The following KLHL1 variants were observed in gnomAD, a reference collection of about 807,000 sequenced individuals.
KLHL1 encodes the protein kelch like family member 1.
A neutral mutation model predicts 77.7 loss-of-function variants in KLHL1; 47 were observed. The ratio of observed to expected loss-of-function variants is 0.60; its 90% confidence interval spans 0.48 to 0.77. The LOEUF (loss-of-function observed/expected upper bound fraction) is 0.77, where lower values mean the gene tolerates loss of function less well. KLHL1 is among the 30% of genes least tolerant of loss of function. The pLI, the probability that KLHL1 is intolerant of heterozygous loss-of-function variation, is 0.00. For synonymous variants in KLHL1, 360 were observed against 325.2 expected (o/e 1.11, Z -1.15); for missense variants, 925 against 910.8 (o/e 1.02, Z -0.20).
intron 7 of KLHL1, among the ~76,000 whole-genome samples, chr13:69,779,456 T>C (rs1031079951): frequency 6.6e-6 from 1 of 151,438 alleles, no homozygotes; most frequent in African/African-American, 2.4e-5. Flanking sequence ...TCCTTTCCTT[T>C]TACTGTTGTT....
intron 5 of KLHL1, among the ~76,000 whole-genome samples, chr13:69,849,316 T>C (rs1037474032): frequency 7.9e-5 from 12 of 151,484 alleles, no homozygotes; most frequent in African/African-American, 2.7e-4. Flanking sequence ...TTCAACAAAT[T>C]TAGATGAGTA....
At chr13:69,872,304 G>A (rs182425740) in intron 5 of KLHL1, among the ~76,000 whole-genome samples, 22 of 152,150 alleles carry the variant, frequency 1.4e-4, no homozygotes, top group Middle Eastern at 3.4e-3. Context: ...ATGAGCAATC[G>A]GCCTGTTTTA....
chr13:70,060,225 C>G (rs1269331174), intron 1 of KLHL1, among the ~76,000 whole-genome samples: 1 of 152,138 alleles, frequency 6.6e-6, no homozygotes, highest in Admixed American at 6.5e-5. Context: ...CATCATCTCT[C>G]CCCAGTTAAA....
chr13:69,987,073 AT>A (rs1884891866), intron 1 of KLHL1, among the ~76,000 whole-genome samples: 1 of 152,018 alleles, frequency 6.6e-6, no homozygotes, highest in Admixed American at 6.6e-5. Flanking sequence ...ATCATAAAAA[AT>A]TTATTATATA....
At chr13:69,969,474 TACAA>T (rs748729188) in intron 2 of KLHL1, among the ~76,000 whole-genome samples, 61 of 152,172 alleles carry the variant, frequency 4.0e-4, no homozygotes, top group African/African-American at 1.0e-3. Context: ...CATTGTATGA[TACAA>T]ACAAACTATA....
At chr13:69,936,005 G>C (rs905420623) in intron 4 of KLHL1, among the ~76,000 whole-genome samples, 6 of 151,180 alleles carry the variant, frequency 4.0e-5, no homozygotes, top group Non-Finnish European at 7.4e-5. Context: ...GTATAAGAAA[G>C]TTTATGATAT....
intron 4 of KLHL1, among the ~76,000 whole-genome samples, chr13:69,924,222 G>A (rs980247574): frequency 1.3e-5 from 2 of 152,194 alleles, no homozygotes; most frequent in African/African-American, 4.8e-5. Context: ...AGGCTTTTGT[G>A]TGGAAAGGGG....
intron 1 of KLHL1, among the ~76,000 whole-genome samples, chr13:70,087,813 A>G (rs891562964): frequency 2.6e-5 from 4 of 152,150 alleles, no homozygotes; most frequent in African/African-American, 9.7e-5. Flanking sequence ...AAGAATCAAG[A>G]TAGTTGTTAT....
intron 1 of KLHL1, among the ~76,000 whole-genome samples, chr13:70,036,956 C>T (rs1402601161): frequency 2.1e-5 from 3 of 145,286 alleles, no homozygotes; most frequent in African/African-American, 5.1e-5. Flanking sequence ...TAAAGTTAAT[C>T]GAGATAATAA....
rs34074889 is a variant in KLHL1 at position 69,939,340 on chromosome 13, CATATATATATATAT to C, written c.1014+686_1014+699del. Among the ~76,000 whole-genome samples the C allele has an allele frequency of 2.6e-3, 161 of 60,842 alleles. 3 individuals carry two copies. The highest frequency in any genetic ancestry group is 7.2e-3 in the African/African-American group (107 of 14,834). The allele number at this position is 60,842 out of a possible 152,430, so 39.9% of individuals were successfully genotyped here. On this transcript the variant is annotated intron_variant, in intron 4 of 10. Transcript: ENST00000377844. ...ACACTCATATATATACATATACATA[CATATATATATATAT>C]ATATATATATATATATATATATATA...
In KLHL1 at chr13:69,849,938, T is replaced by C. The variant is rs561690608; in HGVS notation, c.1228-10776A>G. On this transcript the variant is annotated intron_variant, in intron 5 of 10. Transcript: ENST00000377844. ...TCACATCTCAAATTCAATGCATACG[T>C]TAATAATAATTATAAATGTTTATGT... is the stretch of plus-strand genomic sequence containing the variant. Among the ~76,000 whole-genome samples the C allele has an allele frequency of 2.6e-5, 4 of 151,640 alleles. No homozygotes were observed. The East Asian group carries it at 7.8e-4, about 29-fold the overall frequency.
intron 6 of KLHL1, among the ~76,000 whole-genome samples, chr13:69,815,015 A>G (rs1029225333): frequency 4.6e-5 from 7 of 151,278 alleles, no homozygotes; most frequent in Non-Finnish European, 8.8e-5. Context: ...GTCTCTAAAA[A>G]AATAAATAAA....
At chr13:70,048,999 T>C (rs1886568216) in intron 1 of KLHL1, among the ~76,000 whole-genome samples, 1 of 152,228 alleles carries the variant, frequency 6.6e-6, no homozygotes, top group African/African-American at 2.4e-5. Flanking sequence ...GTAAGTATAC[T>C]TTCTCTTGAA....
intron 7 of KLHL1, among the ~76,000 whole-genome samples, chr13:69,777,087 A>G (rs1159731702): frequency 1.3e-5 from 2 of 151,960 alleles, no homozygotes; most frequent in Non-Finnish European, 2.9e-5. Flanking sequence ...TGTTCTCATG[A>G]TAGTAAGTCA....
intron 5 of KLHL1, among the ~76,000 whole-genome samples, chr13:69,852,877 T>C (rs1382251866): frequency 6.6e-6 from 1 of 151,950 alleles, no homozygotes; most frequent in Non-Finnish European, 1.5e-5. Flanking sequence ...TAAATGAAAA[T>C]ATATTTATTA....
intron 3 of KLHL1, among the ~76,000 whole-genome samples, chr13:69,942,037 G>A (rs536226069): frequency 2.6e-5 from 4 of 151,952 alleles, no homozygotes; most frequent in Non-Finnish European, 5.9e-5. Context: ...AGGAGAGTTG[G>A]TGCCAATCTT....
At chr13:69,993,397 G>T (rs1363399754) in intron 1 of KLHL1, among the ~76,000 whole-genome samples, 2 of 152,046 alleles carry the variant, frequency 1.3e-5, no homozygotes, top group Non-Finnish European at 2.9e-5. Context: ...TGCATTCCAT[G>T]GGATTGGATG....
At position 69,991,315 on chromosome 13, in the gene KLHL1, T is replaced by C. The variant is rs1885022307; in HGVS notation, c.498-15513A>G. ...GAAACAACCCAAATCAGAGCTGAACTGAAGAATATAGAGACACACAAAAAA... is the reference window on the plus strand; with the variant it reads ...GAAACAACCCAAATCAGAGCTGAACCGAAGAATATAGAGACACACAAAAAA... On this transcript the variant is annotated intron_variant, in intron 1 of 10. Transcript: ENST00000377844. 1.3e-5 allele frequency among the ~76,000 whole-genome samples: 2 copies of C among 151,560 alleles called. 1 individual carries two copies. The highest frequency in any genetic ancestry group is 2.9e-5 in the Non-Finnish European group (2 of 67,884).
chr13:70,025,345 T>C (rs978027), intron 1 of KLHL1, among the ~76,000 whole-genome samples: 125,897 of 151,822 alleles, frequency 0.83, 53,040 homozygotes, highest in East Asian at 0.92. Context: ...GACTTTGAGG[T>C]GGAATTATTT....
Sources: allele counts gnomAD v4.1 joint callset (sites outside exome capture counted in the v4.1 genomes callset), GRCh38; gene constraint gnomAD v4.1.1; transcripts MANE v1.5; gene names NCBI Gene and HGNC (gene_info 2026-07-23, HGNC 2026-07-21).